Variants in OR3A2 observed in about 807,000 individuals in gnomAD.
The protein encoded by OR3A2 is olfactory receptor 3A2.
For synonymous variants in OR3A2, 126 were observed against 159.3 expected, an observed-to-expected ratio of 0.79 and a Z score of 1.57; for missense variants, 318 against 392.8, an observed-to-expected ratio of 0.81 and a Z score of 1.61.
chr17:3,371,524 C>T (rs1387423184), intron 2 of OR3A2, among the ~76,000 whole-genome samples: 1 of 138,202 alleles, frequency 7.2e-6, no homozygotes, highest in Admixed American at 7.0e-5. Context: ...GGGGGGCTGA[C>T]CCCACCACCT....
intron 2 of OR3A2, among the ~76,000 whole-genome samples, chr17:3,380,902 T>C (rs1240814755): frequency 2.6e-4 from 40 of 152,156 alleles, no homozygotes; most frequent in Admixed American, 2.6e-3. Flanking sequence ...GGAACCGGTA[T>C]GTGGATGTTT....
intron 2 of OR3A2, among the ~76,000 whole-genome samples, chr17:3,359,029 G>A (rs2049486932): frequency 6.6e-6 from 1 of 151,798 alleles, no homozygotes; most frequent in Non-Finnish European, 1.5e-5. Flanking sequence ...TTACCATTGT[G>A]TAGTGTCCTT....
chr17:3,329,230 T>C (rs1448719850), intron 3 of OR3A2, among the ~76,000 whole-genome samples: 1 of 151,706 alleles, frequency 6.6e-6, no homozygotes, highest in Non-Finnish European at 1.5e-5. Context: ...CCTCATAAAA[T>C]GAGTTAGGGA....
At chr17:3,381,273 C>T (rs1029823760) in intron 2 of OR3A2, among the ~76,000 whole-genome samples, 1 of 151,328 alleles carries the variant, frequency 6.6e-6, no homozygotes, top group Non-Finnish European at 1.5e-5. Context: ...CAAAAGTGAC[C>T]ATTTTAGCAT....
At chr17:3,285,134 G>A (rs555202952), upstream of OR3A2, among the ~76,000 whole-genome samples, 6 of 152,142 alleles carry the variant, frequency 3.9e-5, no homozygotes, top group East Asian at 1.9e-4. Context: ...TTCTAAGTCC[G>A]GCCCTGAGGA....
At chr17:3,332,372 G>A (rs948832389) in intron 3 of OR3A2, among the ~76,000 whole-genome samples, 6 of 152,224 alleles carry the variant, frequency 3.9e-5, no homozygotes, top group Non-Finnish European at 8.8e-5. Context: ...GACTCCGTGG[G>A]CGTAGGACCC....
chr17:3,362,044 C>T (rs1434096517), intron 2 of OR3A2, among the ~76,000 whole-genome samples: 2 of 151,556 alleles, frequency 1.3e-5, no homozygotes, highest in Admixed American at 6.6e-5. Context: ...TCCGTCTAGT[C>T]CTGGACTTTT....
chr17:3,339,879 T>A (rs1456549075), intron 2 of OR3A2, among the ~76,000 whole-genome samples: 5 of 152,220 alleles, frequency 3.3e-5, no homozygotes, highest in Non-Finnish European at 5.9e-5. Context: ...CGGGTAGAAT[T>A]CAGCTGTGAA....
chr17:3,325,871 T>C (rs1177647896), intron 3 of OR3A2, among the ~76,000 whole-genome samples: 3 of 152,124 alleles, frequency 2.0e-5, no homozygotes, highest in Non-Finnish European at 2.9e-5. Context: ...GGTGGGTTGC[T>C]GCACAGATCA....
intron 2 of OR3A2, among the ~76,000 whole-genome samples, chr17:3,383,223 A>G (rs969339235): frequency 6.6e-6 from 1 of 152,236 alleles, no homozygotes; most frequent in African/African-American, 2.4e-5. Context: ...AATCATTTGT[A>G]GAAGTCACAG....
At chr17:3,326,710 C>T (rs1345616804) in intron 3 of OR3A2, among the ~76,000 whole-genome samples, 1 of 115,706 alleles carries the variant, frequency 8.6e-6, no homozygotes, top group Non-Finnish European at 1.7e-5. Context: ...CCCCTCCCCC[C>T]ACTCCACCAC....
intron 1 of OR3A2, among the ~76,000 whole-genome samples, chr17:3,282,982 ATC>A (rs1420343913): frequency 6.6e-6 from 1 of 151,488 alleles, no homozygotes; most frequent in Non-Finnish European, 1.5e-5. Flanking sequence ...TCTAAAAAGA[ATC>A]TCTCTCTCCT....
At chr17:3,302,283 C>T (rs1186808224) in intron 3 of OR3A2, among the ~76,000 whole-genome samples, 1 of 152,118 alleles carries the variant, frequency 6.6e-6, no homozygotes, top group Non-Finnish European at 1.5e-5. Flanking sequence ...CGCACATTGC[C>T]AAGACATTCC....
chr17:3,331,256 T>G (rs1438425564), intron 3 of OR3A2, among the ~76,000 whole-genome samples: 1 of 151,904 alleles, frequency 6.6e-6, no homozygotes, highest in Non-Finnish European at 1.5e-5. Context: ...ATCTGAACGT[T>G]GGCCTGCCTT....
At position 3,357,501 on chromosome 17, in the gene OR3A2, T is replaced by TA. The variant is rs1348371311; in HGVS notation, c.-178-21376dup. On this transcript the variant is annotated intron_variant, in intron 2 of 4. Transcript: ENST00000573491. ...TATAATTCCATTTTTGTGAGGTGTC[T>TA]AGAATAGTCAAACTCAAAGAGACAA... Among the ~76,000 whole-genome samples, 12 of 151,650 alleles carry TA rather than the reference T, an allele frequency of 7.9e-5. No homozygotes were observed. The East Asian group carries it at 1.9e-3, about 24-fold the overall frequency.
rs568284009 is a variant in OR3A2, at chr17:3,311,606, C to T, written c.-85+24427G>A. 2 of 395,218 alleles carry T rather than the reference C, an allele frequency of 5.1e-6. No individual in the cohort carries two copies. The highest frequency in any genetic ancestry group is 5.1e-6 in the Non-Finnish European group (1 of 195,216). 24.5% of individuals were successfully genotyped at this position (395,218 alleles called of 1,614,324 possible). A position where few individuals can be genotyped will look rare whatever the true frequency, so the allele number is the denominator to read the frequency against. ...GGGCAGCTGCTGCTTGTGGGGGCCA[C>T]CTTCATAGGAGTGATCCCCATGATC... On this transcript the variant is annotated intron_variant, in intron 3 of 4. Coordinates refer to the OR3A2 transcript ENST00000573491. The surrounding 1 kb of genome is among the most constrained non-coding windows in gnomAD (Gnocchi z 4.6).
intron 2 of OR3A2, among the ~76,000 whole-genome samples, chr17:3,371,879 ACCC>A (rs1187351311): frequency 5.6e-5 from 6 of 106,436 alleles, no homozygotes; most frequent in African/African-American, 1.2e-4. Context: ...AGGGGAGCTG[ACCC>A]CCCCACCTCC....
chr17:3,339,174 T>C (rs1389582123), intron 2 of OR3A2, among the ~76,000 whole-genome samples: 4 of 152,158 alleles, frequency 2.6e-5, no homozygotes, highest in East Asian at 1.9e-4. Context: ...TGGGCTGAGA[T>C]GAAGGGGTTT....
At position 3,298,797 on chromosome 17, in the gene OR3A2, C is replaced by T. The variant is rs1023480025; in HGVS notation, c.-84-19644G>A. On this transcript the variant is annotated intron_variant, in intron 3 of 4. Coordinates refer to the OR3A2 transcript ENST00000573491. ...GGGTGAAGCACTGTGCAGGCCTGTGCTCCGGAGAGCAAAGAAGGGCCATAT... is the reference window on the plus strand; with the variant it reads ...GGGTGAAGCACTGTGCAGGCCTGTGTTCCGGAGAGCAAAGAAGGGCCATAT... Among the ~76,000 whole-genome samples the T allele has an allele frequency of 2.6e-5, 4 of 152,130 alleles. No individual in the cohort carries two copies. In the East Asian group the frequency reaches 7.7e-4, roughly 29 times the overall value.
Sources: gnomAD v4.1 joint callset for allele counts (sites outside exome capture counted in the v4.1 genomes callset) on GRCh38, gnomAD v4.1.1 for gene constraint, Gnocchi (gnomAD v3.1) non-coding constraint, MANE v1.5 for transcripts, NCBI Gene and HGNC (gene_info 2026-07-23, HGNC 2026-07-21) for gene names.